Variants in PRKN observed in about 807,000 individuals in gnomAD.
The protein encoded by PRKN is parkin RBR E3 ubiquitin protein ligase.
A neutral mutation model predicts 59.5 loss-of-function variants in PRKN; 56 were observed. That is an observed-to-expected ratio of 0.94 (90% CI 0.76 to 1.18). The LOEUF (loss-of-function observed/expected upper bound fraction) is 1.18, where lower values mean the gene tolerates loss of function less well. PRKN is among the 50% of genes most tolerant of loss of function. PRKN has a pLI of 0.00. For missense variants in PRKN, 657 were observed against 596.4 expected (o/e 1.10, Z -1.06); for synonymous variants, 250 against 222.1 (o/e 1.13, Z -1.12).
rs545437292 is a variant in PRKN at position 162,344,253 on chromosome 6, T to C, written c.172-81488A>G. ...ATATTAGATACATGTCACATTCGCA[T>C]AGAAACATATGGTCTTCAATGTGCA... is the stretch of plus-strand genomic sequence containing the variant. On this transcript the variant is annotated intron_variant, in intron 2 of 11. Coordinates refer to ENST00000366898, the MANE Select transcript of PRKN (RefSeq NM_004562.3). Among the ~76,000 whole-genome samples the C allele has an allele frequency of 3.9e-5, 6 of 152,276 alleles. No homozygotes were observed. In the East Asian group the frequency reaches 1.2e-3, roughly 29 times the overall value.
At chr6:162,329,301 C>G (rs531605108) in intron 2 of PRKN, among the ~76,000 whole-genome samples, 62 of 152,116 alleles carry the variant, frequency 4.1e-4, no homozygotes, top group Non-Finnish European at 6.2e-4. Flanking sequence ...CCCTCAAAAG[C>G]AGTGGACGTG....
intron 4 of PRKN, among the ~76,000 whole-genome samples, chr6:162,064,937 T>C (rs893285289): frequency 2.6e-5 from 4 of 152,150 alleles, no homozygotes; most frequent in African/African-American, 9.7e-5. Context: ...CAATTTGAAA[T>C]CCTAAAAGTC....
chr6:162,023,792 C>T (rs1412161502), intron 5 of PRKN, among the ~76,000 whole-genome samples: 3 of 152,202 alleles, frequency 2.0e-5, no homozygotes, highest in Admixed American at 6.5e-5. Context: ...GGGACCACGC[C>T]CTCCTTTACC....
intron 2 of PRKN, among the ~76,000 whole-genome samples, chr6:162,293,515 G>C (rs1781530204): frequency 1.3e-5 from 2 of 152,220 alleles, no homozygotes. Flanking sequence ...CGGAGAGGGA[G>C]TGGGTGAGTG....
At chr6:162,092,824 G>C (rs767934985) in intron 4 of PRKN, among the ~76,000 whole-genome samples, 1 of 152,186 alleles carries the variant, frequency 6.6e-6, no homozygotes, top group Non-Finnish European at 1.5e-5. Flanking sequence ...TGCTGACGAA[G>C]TAGAAAATTA....
chr6:161,902,420 T>C (rs1233075494), intron 6 of PRKN, among the ~76,000 whole-genome samples: 2 of 152,298 alleles, frequency 1.3e-5, no homozygotes, highest in Admixed American at 6.5e-5. Context: ...TAAGACGGTC[T>C]AAATATTTCA....
At position 161,826,265 on chromosome 6, in the gene PRKN, A is replaced by G. The variant is rs145383460; in HGVS notation, c.735-40357T>C. Among the ~76,000 whole-genome samples, 53 of 152,346 alleles carry G rather than the reference A, an allele frequency of 3.5e-4. No individual in the cohort carries two copies. In the East Asian group the frequency reaches 0.01, roughly 29 times the overall value. ...TGAAATTCATGTAAAAAGTAGAAAA[A>G]TCATATTTAAGACAAATTTTAAAAC... On this transcript the variant is annotated intron_variant, in intron 6 of 11. Transcript: ENST00000366898.
At chr6:162,275,240 G>T (rs1186397693) in intron 2 of PRKN, 2 of 152,022 alleles carry the variant, frequency 1.3e-5, no homozygotes, top group Admixed American at 1.3e-4. Context: ...TGGCTGTAGT[G>T]TATCTTCTTT....
chr6:161,750,144 T>TATAC (rs147174982), intron 7 of PRKN, among the ~76,000 whole-genome samples: 25,184 of 145,742 alleles, frequency 0.17, 2,306 homozygotes, highest in East Asian at 0.41. Flanking sequence ...CACACACACA[T>TATAC]ATATAAATTA....
Position 161,484,716 on chromosome 6 carries a change from T to C in PRKN, c.1083+64138A>G, listed in dbSNP as rs1353177408. On this transcript the variant is annotated intron_variant, in intron 9 of 11. Coordinates refer to ENST00000366898, the MANE Select transcript of PRKN (RefSeq NM_004562.3). The surrounding 1 kb of genome is among the most constrained non-coding windows in gnomAD (Gnocchi z 4.9). ...GGGCACTGCATGGTGTTTGGCACCA[T>C]CCCTGCCTCTACCCGCTAGATGCTA... 2.0e-5 allele frequency among the ~76,000 whole-genome samples: 3 copies of C among 152,148 alleles called. No individual in the cohort carries two copies. The highest frequency in any genetic ancestry group is 7.2e-5 in the African/African-American group (3 of 41,442).
intron 5 of PRKN, among the ~76,000 whole-genome samples, chr6:162,053,653 G>T (rs2128285354): frequency 6.6e-6 from 1 of 152,110 alleles, no homozygotes; most frequent in South Asian, 2.1e-4. Context: ...AATTACTAAA[G>T]AAAGGTAGAA....
At chr6:161,851,876 C>T (rs1267889566) in intron 6 of PRKN, among the ~76,000 whole-genome samples, 4 of 151,290 alleles carry the variant, frequency 2.6e-5, no homozygotes, top group South Asian at 2.1e-4. Flanking sequence ...CACCTGAGGT[C>T]AGGAGTTTGA....
intron 1 of PRKN, among the ~76,000 whole-genome samples, chr6:162,455,629 C>T (rs892140067): frequency 1.3e-5 from 2 of 152,080 alleles, no homozygotes; most frequent in Non-Finnish European, 2.9e-5. Flanking sequence ...TATAAGATGG[C>T]TATGGGGGCC....
intron 2 of PRKN, among the ~76,000 whole-genome samples, chr6:162,276,350 T>C (rs1306749141): frequency 6.6e-6 from 1 of 152,142 alleles, no homozygotes; most frequent in Non-Finnish European, 1.5e-5. Context: ...CTAATCATAG[T>C]TTAAGTTTTT....
chr6:162,419,125 C>T (rs1012096921), intron 2 of PRKN, among the ~76,000 whole-genome samples: 4 of 151,916 alleles, frequency 2.6e-5, no homozygotes, highest in South Asian at 2.1e-4. Flanking sequence ...TTAACTTCGA[C>T]GTTCGTATTA....
chr6:161,994,754 A>C (rs770593897), intron 5 of PRKN, among the ~76,000 whole-genome samples: 23 of 152,140 alleles, frequency 1.5e-4, no homozygotes, highest in Non-Finnish European at 3.2e-4. Context: ...AATTTAACCA[A>C]GGAGGTAGAA....
At chr6:161,947,236 A>G (rs1399576110) in intron 6 of PRKN, among the ~76,000 whole-genome samples, 4 of 152,230 alleles carry the variant, frequency 2.6e-5, no homozygotes, top group Non-Finnish European at 1.5e-5. Flanking sequence ...ACAATTTAGA[A>G]TAATTATCTC....
intron 4 of PRKN, among the ~76,000 whole-genome samples, chr6:162,140,991 G>A (rs945065637): frequency 2.6e-5 from 4 of 151,972 alleles, no homozygotes; most frequent in East Asian, 1.9e-4. Context: ...GTAGCCAGGC[G>A]TTGTGGCGGG....
intron 6 of PRKN, among the ~76,000 whole-genome samples, chr6:161,923,220 T>G (rs1778847311): frequency 6.6e-6 from 1 of 152,254 alleles, no homozygotes; most frequent in Admixed American, 6.5e-5. Context: ...CCGGGGCTCA[T>G]GCCTATAATC....
Sources: allele counts gnomAD v4.1 joint callset (sites outside exome capture counted in the v4.1 genomes callset), GRCh38; gene constraint gnomAD v4.1.1; non-coding constraint Gnocchi (gnomAD v3.1); transcripts MANE v1.5; gene names NCBI Gene and HGNC (gene_info 2026-07-23, HGNC 2026-07-21).